The following PGM5 variants were observed in gnomAD, a reference collection of about 807,000 sequenced individuals.
PGM5 encodes the protein phosphoglucomutase-like protein 5.
PGM5 carries 23 observed loss-of-function variants against 59.2 expected under a neutral mutation model. The ratio of observed to expected loss-of-function variants is 0.39; its 90% CI spans 0.28 to 0.55. The LOEUF (loss-of-function observed/expected upper bound fraction) is 0.55, where lower values mean the gene tolerates loss of function less well. Among genes scored for constraint, PGM5 ranks in the 20% least tolerant of loss-of-function variants. The pLI, the probability that PGM5 is intolerant of heterozygous loss-of-function variation, is 0.66. For missense variants in PGM5, 574 were observed against 748.3 expected (o/e 0.77, Z 2.72); for synonymous variants, 214 against 286.0 (o/e 0.75, Z 2.54).
chr9:68,407,561 T>C (rs1822845504), intron 6 of PGM5, among the ~76,000 whole-genome samples: 1 of 151,850 alleles, frequency 6.6e-6, no homozygotes, highest in South Asian at 2.1e-4. Context: ...TTTAGAAAAA[T>C]TATCTTTCTG....
At chr9:68,497,726 G>A (rs1292838319) in intron 9 of PGM5, 2 of 152,202 alleles carry the variant, frequency 1.3e-5, no homozygotes, top group Admixed American at 6.5e-5. Flanking sequence ...AGACATAGAA[G>A]TTTTCCAAAA....
At chr9:68,468,880 T>C (rs1554686059) in intron 7 of PGM5, among the ~76,000 whole-genome samples, 1 of 152,242 alleles carries the variant, frequency 6.6e-6, no homozygotes. Context: ...CTGATTTTCA[T>C]ATCCTAAAGA....
Position 68,466,751 on chromosome 9 carries a change from G to A in PGM5, c.1159+1543G>A, listed in dbSNP as rs1345970703. ...TATTTTTACTGGGTACTGGAACTGG[G>A]GAAGGGTACTGGAGAGGTTTTTAAG... On this transcript the variant is annotated intron_variant, in intron 7 of 10. Coordinates refer to ENST00000396396, the MANE Select transcript of PGM5 (RefSeq NM_021965.4). Among the ~76,000 whole-genome samples the A allele has an allele frequency of 2.0e-5, 3 of 152,154 alleles. No individual in the cohort carries two copies. In the East Asian group the frequency reaches 5.8e-4, roughly 29 times the overall value.
At chr9:68,443,898 T>C (rs1823569748) in intron 6 of PGM5, among the ~76,000 whole-genome samples, 1 of 152,192 alleles carries the variant, frequency 6.6e-6, no homozygotes. Context: ...ACATCAGGGA[T>C]CAGGGTCCTG....
At chr9:68,377,435 T>G (rs2131991913) in intron 1 of PGM5, among the ~76,000 whole-genome samples, 1 of 152,358 alleles carries the variant, frequency 6.6e-6, no homozygotes, top group Admixed American at 6.5e-5. Flanking sequence ...GCTTCGTAAG[T>G]GATTCTATTT....
rs781791045 is a variant in PGM5, at chr9:68,432,511, CA to C, written c.1044-32571del. Among the ~76,000 whole-genome samples the C allele has an allele frequency of 5.8e-3, 832 of 143,436 alleles. 9 individuals carry two copies. The highest frequency in any genetic ancestry group is 0.016 in the African/African-American group (630 of 39,396). The allele number at this position is 143,436 out of a possible 152,430, so 94.1% of individuals were successfully genotyped here. A position where few individuals can be genotyped will look rare whatever the true frequency, so the allele number is the denominator to read the frequency against. On this transcript the variant is annotated intron_variant, in intron 6 of 10. Coordinates refer to ENST00000396396, the MANE Select transcript of PGM5 (RefSeq NM_021965.4). ...CCATTGTGCCTGACCATGTTTTAAA[CA>C]AAAAAAAAAATTGACGTTATATTTA...
intron 6 of PGM5, chr9:68,396,224 A>G: frequency 6.6e-6 from 1 of 152,212 alleles, no homozygotes; most frequent in East Asian, 1.9e-4. Flanking sequence ...ATGTTGAACC[A>G]ATGATCAGAG....
rs200812025 is a variant in PGM5, at chr9:68,483,996, C to T, written c.1427C>T (p.Thr476Met). The T allele has an allele frequency of 1.5e-4, 241 of 1,613,878 alleles. 2 individuals are homozygous for T. Among genetic ancestry groups the T allele is most frequent in the East Asian group, 6.2e-4 (28 of 44,880 alleles). The change falls in exon 9 of 11, where the codon ACG (threonine) becomes ATG (methionine). Residue 476 changes from threonine to methionine, a missense_variant. Physicochemically the swap from Thr to Met is moderately conservative, Grantham distance 81. Transcript: ENST00000396396. The stretch of plus-strand genomic sequence containing the variant: ...AGCCATGTCTACAGCGTGGCGAAGA[C>T]GGATAGTTTTGAATACGTGGACCCT... ...VGSHVYSVAK[T>M]DSFEYVDPVD...
chr9:68,422,106 A>G (rs1554682384), intron 6 of PGM5, among the ~76,000 whole-genome samples: 1 of 152,176 alleles, frequency 6.6e-6, no homozygotes, highest in South Asian at 2.1e-4. Context: ...TAAAAAAAAA[A>G]ATTTAGAAGC....
At chr9:68,465,419 T>C (rs1236920287) in intron 7 of PGM5, among the ~76,000 whole-genome samples, 3 of 152,220 alleles carry the variant, frequency 2.0e-5, no homozygotes, top group Non-Finnish European at 4.4e-5. Context: ...TCTTTAAAAA[T>C]TTCTATTATG....
chr9:68,434,708 A>G (rs1823417110), intron 6 of PGM5, among the ~76,000 whole-genome samples: 1 of 152,020 alleles, frequency 6.6e-6, no homozygotes, highest in African/African-American at 2.4e-5. Flanking sequence ...CAGGAGGCTG[A>G]GGCAGAAGAA....
chr9:68,516,927 A>G (rs962868109), intron 10 of PGM5, among the ~76,000 whole-genome samples: 3 of 151,872 alleles, frequency 2.0e-5, no homozygotes, highest in African/African-American at 7.3e-5. Context: ...GCTGGAGTGC[A>G]ATGGCGCGGT....
rs181198452 is a variant in PGM5, at chr9:68,383,268, A to G, written c.425-1130A>G. On this transcript the variant is annotated intron_variant, in intron 2 of 10. Coordinates refer to ENST00000396396, the MANE Select transcript of PGM5 (RefSeq NM_021965.4). ...GAAAAATATTGTGAGTCACATACATACTTTACATTTTTAGTAGCCACATTA... is the reference window on the plus strand; with the variant it reads ...GAAAAATATTGTGAGTCACATACATGCTTTACATTTTTAGTAGCCACATTA... Among the ~76,000 whole-genome samples, 981 of 152,208 alleles carry G rather than the reference A, an allele frequency of 6.4e-3. 4 individuals carry two copies. The highest frequency in any genetic ancestry group is 0.022 in the African/African-American group (911 of 41,556).
chr9:68,445,740 T>A (rs1461359018), intron 6 of PGM5, among the ~76,000 whole-genome samples: 1 of 152,250 alleles, frequency 6.6e-6, no homozygotes, highest in African/African-American at 2.4e-5. Flanking sequence ...GGCTCAGCAG[T>A]GCCTGCTTTA....
At chr9:68,497,388 GTGAT>G (rs1486707372) in intron 9 of PGM5, 1 of 152,206 alleles carries the variant, frequency 6.6e-6, no homozygotes, top group African/African-American at 2.4e-5. Context: ...GTATTACAGA[GTGAT>G]TGGTTGCCAG....
At chr9:68,467,612 G>C (rs1031423672) in intron 7 of PGM5, among the ~76,000 whole-genome samples, 1 of 152,006 alleles carries the variant, frequency 6.6e-6, no homozygotes, top group Non-Finnish European at 1.5e-5. Flanking sequence ...GTTCTAATTG[G>C]ATCTAAAAGA....
intron 10 of PGM5, among the ~76,000 whole-genome samples, chr9:68,500,686 A>T (rs1388517378): frequency 1.3e-5 from 2 of 151,814 alleles, no homozygotes; most frequent in African/African-American, 2.4e-5. Context: ...TCTACATCTC[A>T]TGTTGGGGAG....
chr9:68,427,528 C>A (rs1190389394), intron 6 of PGM5, among the ~76,000 whole-genome samples: 1 of 152,112 alleles, frequency 6.6e-6, no homozygotes, highest in Non-Finnish European at 1.5e-5. Context: ...CTGCTGTGGG[C>A]ATGAATGCTG....
chr9:68,511,246 T>C (rs1824744757), intron 10 of PGM5, among the ~76,000 whole-genome samples: 1 of 152,230 alleles, frequency 6.6e-6, no homozygotes, highest in Non-Finnish European at 1.5e-5. Context: ...TCTGATGCTA[T>C]ATCAGGGTCA....
Sources: allele counts gnomAD v4.1 joint callset (sites outside exome capture counted in the v4.1 genomes callset), GRCh38; gene constraint gnomAD v4.1.1; transcripts MANE v1.5; gene names NCBI Gene and HGNC (gene_info 2026-07-23, HGNC 2026-07-21).